COL4A4: variants seen among roughly 807,000 people sequenced by gnomAD.
COL4A4 encodes the protein collagen alpha-4(IV) chain.
Under a neutral mutation model 192.9 loss-of-function variants are expected in COL4A4, and 105 were observed. The observed-to-expected ratio is 0.54, with a 90% CI of 0.46 to 0.64. COL4A4 has a LOEUF of 0.64. Among genes scored for constraint, COL4A4 ranks in the 30% least tolerant of loss-of-function variants. COL4A4 has a pLI of 0.00. For missense variants in COL4A4, 1,967 were observed against 2,169.3 expected (o/e 0.91, Z 1.85); for synonymous variants, 762 against 769.9 (o/e 0.99, Z 0.17).
At chr2:227,088,504 G>A (rs905066344) in intron 22 of COL4A4, 149 bp downstream of exon 22, 8 of 998,688 alleles carry the variant, frequency 8.0e-6, no homozygotes, top group Non-Finnish European at 1.2e-5. Context: ...AGTTTCCTGA[G>A]GCCTCCCCAC....
chr2:227,013,273 T>A (rs149837985), intron 44 of COL4A4, among the ~76,000 whole-genome samples: 2,483 of 152,248 alleles, frequency 0.016, 63 homozygotes, highest in African/African-American at 0.056. Flanking sequence ...TCTCTTTCTC[T>A]CTTTCTCTCT....
chr2:227,079,646 C>T (rs1183084992), intron 24 of COL4A4, among the ~76,000 whole-genome samples: 1 of 152,150 alleles, frequency 6.6e-6, no homozygotes, highest in Non-Finnish European at 1.5e-5. Flanking sequence ...AAATAGCATG[C>T]ACTTTGAAAT....
intron 25 of COL4A4, among the ~76,000 whole-genome samples, chr2:227,076,022 G>A (rs9789374): frequency 0.099 from 15,026 of 152,082 alleles, 849 homozygotes; most frequent in African/African-American, 0.14. Context: ...ATACACTCTT[G>A]GATAGGAAGA....
chr2:227,008,216 G>A lies in COL4A4; in HGVS notation c.4611C>T (p.Asn1537=), dbSNP rs1458127052. The A allele has an allele frequency of 1.1e-5, 17 of 1,614,104 alleles. No individual in the cohort carries two copies. The highest frequency in any genetic ancestry group is 4.5e-5 in the East Asian group (2 of 44,900). ...IHQVCHYAQR[N]DRSYWLASAA... ...CGCTGGCCAGCCAGTAGGATCTGTC[G>A]TTTCTCTGGGCATAGTGGCACACCT... The change falls in exon 47 of 48, where the codon AAC becomes AAT. Residue 1537 remains asparagine (N), a synonymous_variant. Transcript: ENST00000396625.
In COL4A4 at chr2:227,003,356, C is replaced by T. The variant is rs187061652; in HGVS notation, c.*3969G>A. The T allele has an allele frequency of 1.3e-5, 2 of 152,212 alleles. No homozygotes were observed. Among genetic ancestry groups the T allele is most frequent in the Admixed American group, 6.5e-5 (1 of 15,288 alleles). The allele number at this position is 152,212 out of a possible 1,614,324, so 9.4% of individuals were successfully genotyped here. A position where few individuals can be genotyped will look rare whatever the true frequency, so the allele number is the denominator to read the frequency against. On this transcript the variant is annotated 3_prime_UTR_variant, in exon 48 of 48. Transcript: ENST00000396625. ...TGCAAGAGTAGCTGTTATGTCCCAC[C>T]GTATTAATGAGGGAAATGAAGCTAA...
chr2:227,059,363 G>T (rs1273920995), intron 28 of COL4A4, 42 bp downstream of exon 28: 3 of 1,539,156 alleles, frequency 1.9e-6, no homozygotes, highest in East Asian at 4.5e-5. Flanking sequence ...TTCCAAAACT[G>T]AGCCAGCTCT....
intron 20 of COL4A4, among the ~76,000 whole-genome samples, chr2:227,091,055 A>G (rs2059893007): frequency 3.3e-5 from 5 of 151,854 alleles, no homozygotes; most frequent in Admixed American, 3.3e-4. Context: ...CCTTCCTGAA[A>G]TTGGCAGCAG....
Position 227,142,575 on chromosome 2 carries a change from G to A in COL4A4, c.114+1941C>T, listed in dbSNP as rs1033034399. On this transcript the variant is annotated intron_variant, in intron 3 of 47. Coordinates refer to ENST00000396625, the MANE Select transcript of COL4A4 (RefSeq NM_000092.5). ...TCAAGACCAGCCTGGCCAACATGGTGAAACCCCGTCTCTACTAAAAATAAC... is the reference window on the plus strand; with the variant it reads ...TCAAGACCAGCCTGGCCAACATGGTAAAACCCCGTCTCTACTAAAAATAAC... Among the ~76,000 whole-genome samples the A allele has an allele frequency of 4.6e-5, 7 of 152,202 alleles. No homozygotes were observed. The East Asian group carries it at 1.4e-3, about 29-fold the overall frequency.
At chr2:226,994,750 G>A in the COL4A4 span, among the ~76,000 whole-genome samples, 1 of 152,130 alleles carries the variant, frequency 6.6e-6, no homozygotes, top group East Asian at 1.9e-4. Context: ...CTGGGAGAAT[G>A]CTTTCTTATG....
At chr2:227,098,861 C>A in intron 18 of COL4A4, 63 bp from the exon 19 acceptor site, 2 of 1,360,762 alleles carry the variant, frequency 1.5e-6, no homozygotes, top group African/African-American at 1.4e-5. Flanking sequence ...ATTAAGACAA[C>A]AATTACTTTT....
chr2:226,995,582 C>G, the COL4A4 span: 5 of 1,129,030 alleles, frequency 4.4e-6, no homozygotes, highest in African/African-American at 7.7e-5. Flanking sequence ...GGCTCATTCC[C>G]CAAGCCCCTA....
chr2:227,061,307 G>C (rs1976987503), intron 26 of COL4A4, among the ~76,000 whole-genome samples: 3 of 152,208 alleles, frequency 2.0e-5, no homozygotes, highest in Admixed American at 2.0e-4. Context: ...GGTGGGCGGA[G>C]TGTAATTCCC....
At chr2:227,084,194 T>C (rs567836871) in intron 22 of COL4A4, among the ~76,000 whole-genome samples, 1 of 152,346 alleles carries the variant, frequency 6.6e-6, no homozygotes, top group Non-Finnish European at 1.5e-5. Flanking sequence ...TAGTCATAAG[T>C]AGCAGTGGGG....
chr2:227,057,365 A>G (rs1349520624), intron 29 of COL4A4, 74 bp downstream of exon 29: 5 of 1,504,942 alleles, frequency 3.3e-6, no homozygotes, highest in Non-Finnish European at 4.5e-6. Context: ...CAGCATCCAT[A>G]AAAGAGTAAA....
chr2:227,086,406 CTTCCT>C (rs914406723), intron 22 of COL4A4, among the ~76,000 whole-genome samples: 1 of 151,884 alleles, frequency 6.6e-6, no homozygotes, highest in Non-Finnish European at 1.5e-5. Context: ...TTCTTCCCTC[CTTCCT>C]TTCCTTTCTT....
In COL4A4 at chr2:227,118,627, G is replaced by A; in HGVS notation, c.489+18C>T. The A allele has an allele frequency of 1.9e-6, 3 of 1,547,274 alleles. No individual in the cohort carries two copies. The highest frequency in any genetic ancestry group is 2.7e-6 in the Non-Finnish European group (3 of 1,119,300). On this transcript the variant is annotated intron_variant, in intron 7 of 47. Transcript: ENST00000396625. ...GTTCACTTAAGATTCCTGTTAAGAT[G>A]AACTGTGGGTATCTTACTAGGGGGC...
chr2:226,967,700 T>G, the COL4A4 span, among the ~76,000 whole-genome samples: 1 of 152,068 alleles, frequency 6.6e-6, no homozygotes. Context: ...ATTGTTATAG[T>G]GGAAAGAAGG....
At chr2:227,077,832 T>C (rs2059115509) in intron 25 of COL4A4, 62 bp downstream of exon 25, 3 of 1,423,332 alleles carry the variant, frequency 2.1e-6, no homozygotes. Flanking sequence ...TTCTTCCACA[T>C]AAGAAAAATA....
chr2:227,157,626 A>T (rs1340539445), intron 1 of COL4A4, among the ~76,000 whole-genome samples: 2 of 152,058 alleles, frequency 1.3e-5, no homozygotes, highest in Non-Finnish European at 2.9e-5. Context: ...TCTTATAATT[A>T]TATGTCAATA....
Sources: gnomAD v4.1 joint callset for allele counts (sites outside exome capture counted in the v4.1 genomes callset) on GRCh38, gnomAD v4.1.1 for gene constraint, MANE v1.5 for transcripts, NCBI Gene and HGNC (gene_info 2026-07-23, HGNC 2026-07-21) for gene names.